HNF4G: variants seen among roughly 807,000 people sequenced by gnomAD.
HNF4G encodes hepatocyte nuclear factor 4 gamma.
HNF4G carries 21 observed loss-of-function variants against 50.9 expected under a neutral mutation model. The observed-to-expected ratio is 0.41, with a 90% CI of 0.29 to 0.59. HNF4G has a LOEUF of 0.59. HNF4G is among the 20% of genes least tolerant of loss of function. The probability of loss-of-function intolerance (pLI) is 0.26; values close to 1 mark genes in which losing one functional copy is unlikely to be tolerated. For missense variants in HNF4G, 527 were observed against 559.4 expected (o/e 0.94, Z 0.58); for synonymous variants, 198 against 185.6 (o/e 1.07, Z -0.54).
intron 1 of HNF4G, among the ~76,000 whole-genome samples, chr8:75,489,919 T>C (rs1812584030): frequency 6.6e-6 from 1 of 152,212 alleles, no homozygotes; most frequent in Admixed American, 6.5e-5. Flanking sequence ...TTTTCTTAAG[T>C]ATAAACCATT....
At chr8:75,443,781 G>C (rs1811350194) in intron 1 of HNF4G, among the ~76,000 whole-genome samples, 1 of 152,084 alleles carries the variant, frequency 6.6e-6, no homozygotes, top group African/African-American at 2.4e-5. Context: ...TAATAAATCA[G>C]TAAGTTGTAA....
chr8:75,466,518 C>G (rs2130619547), intron 1 of HNF4G, among the ~76,000 whole-genome samples: 1 of 150,650 alleles, frequency 6.6e-6, no homozygotes, highest in East Asian at 2.0e-4. Context: ...CCCTCCCTCC[C>G]TCCTTTCCTT....
intron 1 of HNF4G, among the ~76,000 whole-genome samples, chr8:75,410,390 T>C (rs181483964): frequency 1.9e-4 from 29 of 152,338 alleles, no homozygotes; most frequent in African/African-American, 6.7e-4. Context: ...TTGGGAATTA[T>C]ATAAACCAGT....
intron 1 of HNF4G, among the ~76,000 whole-genome samples, chr8:75,473,080 C>T (rs1257504419): frequency 6.6e-6 from 1 of 151,878 alleles, no homozygotes; most frequent in African/African-American, 2.4e-5. Flanking sequence ...GAGGCCGAGG[C>T]GGGTGGATCA....
intron 1 of HNF4G, among the ~76,000 whole-genome samples, chr8:75,434,555 A>G (rs1477349729): frequency 6.6e-6 from 1 of 152,180 alleles, no homozygotes; most frequent in East Asian, 1.9e-4. Flanking sequence ...AGTCACAATG[A>G]TAAAAATGTA....
At chr8:75,434,415 A>G (rs1233740568) in intron 1 of HNF4G, among the ~76,000 whole-genome samples, 2 of 152,154 alleles carry the variant, frequency 1.3e-5, no homozygotes, top group Admixed American at 1.3e-4. Context: ...TGAAGTAGAA[A>G]CAAAAGGAGA....
chr8:75,539,980 A>G lies in HNF4G; in HGVS notation c.18A>G (p.Glu6=), dbSNP rs750573257. Residue 6 remains glutamate, a synonymous_variant, in exon 1 of 10, where the codon GAA becomes GAG. Transcript: ENST00000396423. ...CTAAATCAATGATGAGGGTATCAGA[A>G]CCAATACTGGACATGGACATGGCAA... The part of the protein sequence containing the change: MMRVS[E]PILDMDMANY... The G allele has an allele frequency of 1.3e-6, 2 of 1,553,412 alleles. No homozygotes were observed. Among genetic ancestry groups the G allele is most frequent in the South Asian group, 1.1e-5 (1 of 89,774 alleles).
At chr8:75,541,266 G>T (rs529321728) in intron 1 of HNF4G, among the ~76,000 whole-genome samples, 124 of 152,142 alleles carry the variant, frequency 8.2e-4, no homozygotes, top group Admixed American at 2.4e-3. Context: ...ATTTTGTATG[G>T]CTATATCCAA....
intron 1 of HNF4G, among the ~76,000 whole-genome samples, chr8:75,474,799 G>T (rs1335052103): frequency 6.6e-6 from 1 of 151,804 alleles, no homozygotes; most frequent in Non-Finnish European, 1.5e-5. Flanking sequence ...CCAGATTCAC[G>T]CCATTCTCCT....
chr8:75,439,345 C>T (rs79592540), intron 1 of HNF4G, among the ~76,000 whole-genome samples: 9,481 of 151,962 alleles, frequency 0.062, 365 homozygotes, highest in South Asian at 0.088. Flanking sequence ...GAATTTTTTA[C>T]ATGTCTGCAT....
At chr8:75,441,659 G>A (rs1389207837) in intron 1 of HNF4G, among the ~76,000 whole-genome samples, 26 of 152,140 alleles carry the variant, frequency 1.7e-4, no homozygotes, top group Admixed American at 1.6e-3. Flanking sequence ...TCAAACTAGC[G>A]AAGTCCTATT....
intron 2 of HNF4G, among the ~76,000 whole-genome samples, chr8:75,514,354 C>CTTTTTTTTTTTTTTTTTTTTTTTTTTTTT (rs36078375): frequency 8.0e-6 from 1 of 125,034 alleles, no homozygotes; most frequent in South Asian, 2.5e-4. Flanking sequence ...TTTCTTCTTT[C>CTTTTTTTTTTTTTTTTTTTTTTTTTTTTT]TTTTTTTTTT....
At chr8:75,422,404 A>T (rs1810795369) in intron 1 of HNF4G, among the ~76,000 whole-genome samples, 1 of 152,188 alleles carries the variant, frequency 6.6e-6, no homozygotes, top group South Asian at 2.1e-4. Context: ...CTACTGTTTC[A>T]TGTTGGATTT....
chr8:75,489,253 G>A (rs904530794), intron 1 of HNF4G, among the ~76,000 whole-genome samples: 3 of 152,122 alleles, frequency 2.0e-5, no homozygotes, highest in African/African-American at 4.8e-5. Context: ...AAATGTATTA[G>A]CATCTTAGTT....
At chr8:75,519,783 T>A (rs1021985509) in intron 2 of HNF4G, among the ~76,000 whole-genome samples, 1 of 152,140 alleles carries the variant, frequency 6.6e-6, no homozygotes, top group African/African-American at 2.4e-5. Context: ...TTAATCTGTT[T>A]ACGTCTTTGT....
intron 1 of HNF4G, among the ~76,000 whole-genome samples, chr8:75,439,733 C>G (rs1811229881): frequency 6.6e-6 from 1 of 151,972 alleles, no homozygotes; most frequent in African/African-American, 2.4e-5. Flanking sequence ...CTCTACTGAA[C>G]ATTTTCCTTT....
At chr8:75,559,765 CAT>C (rs377692710) in intron 8 of HNF4G, among the ~76,000 whole-genome samples, 3 of 151,266 alleles carry the variant, frequency 2.0e-5, no homozygotes, top group Non-Finnish European at 2.9e-5. Flanking sequence ...CAACCTAATA[CAT>C]ATATATATAT....
intron 1 of HNF4G, among the ~76,000 whole-genome samples, chr8:75,417,906 TAGTTTTGCACGATA>T (rs748435865): frequency 6.6e-6 from 1 of 152,112 alleles, no homozygotes; most frequent in Non-Finnish European, 1.5e-5. Flanking sequence ...AATTTTTATC[TAGTTTTGCACGATA>T]AATTTTGAAT....
chr8:75,540,725 G>T (rs1806594391), intron 1 of HNF4G, among the ~76,000 whole-genome samples: 1 of 151,962 alleles, frequency 6.6e-6, no homozygotes, highest in South Asian at 2.1e-4. Context: ...GTGTCTTTAT[G>T]TAATACAGCT....
Sources: allele counts gnomAD v4.1 joint callset (sites outside exome capture counted in the v4.1 genomes callset), GRCh38; gene constraint gnomAD v4.1.1; transcripts MANE v1.5; gene names NCBI Gene and HGNC (gene_info 2026-07-23, HGNC 2026-07-21).